PSG9: variants seen among roughly 807,000 people sequenced by gnomAD.
The protein encoded by PSG9 is pregnancy-specific beta-1-glycoprotein 9.
In PSG9, 49 loss-of-function variants were observed where a neutral mutation model predicts 41.9. That is an observed-to-expected ratio of 1.17 (90% CI 0.93 to 1.48). The LOEUF is 1.48. Among genes scored for constraint, PSG9 ranks in the 40% most tolerant of loss-of-function variants. The pLI is 0.00. For synonymous variants in PSG9, 263 were observed against 196.8 expected, an observed-to-expected ratio of 1.34 and a Z score of -2.82; for missense variants, 641 against 520.3, an observed-to-expected ratio of 1.23 and a Z score of -2.26.
At chr19:43,264,691 T>C (rs997273672) in intron 2 of PSG9, among the ~76,000 whole-genome samples, 7 of 152,194 alleles carry the variant, frequency 4.6e-5, no homozygotes, top group Non-Finnish European at 7.4e-5. Flanking sequence ...TCTCCTGACC[T>C]TGTGCCCGCC....
At position 43,258,596 on chromosome 19, in the gene PSG9, T is replaced by C. The variant is rs1441865633; in HGVS notation, c.989-140A>G. On this transcript the variant is annotated intron_variant, in intron 4 of 5. Coordinates refer to ENST00000270077, the MANE Select transcript of PSG9 (RefSeq NM_002784.5). ...CAAAGTCCCTCTATGTTCACTGAGC[T>C]GAAGCCTGAGGTATTCACCTGTTTC... 31 of 1,419,608 alleles carry C rather than the reference T, an allele frequency of 2.2e-5. 2 individuals are homozygous for C. In the Middle Eastern group the frequency reaches 7.5e-4, roughly 35 times the overall value. The allele number at this position is 1,419,608 out of a possible 1,614,324, so 87.9% of individuals were successfully genotyped here.
chr19:43,265,945 G>A (rs1024121893), intron 2 of PSG9, among the ~76,000 whole-genome samples: 2 of 152,118 alleles, frequency 1.3e-5, no homozygotes, highest in Non-Finnish European at 2.9e-5. Flanking sequence ...TTTCCTGGGA[G>A]GTGGGCCAGG....
chr19:43,264,307 A>T (rs1968863811), intron 2 of PSG9, among the ~76,000 whole-genome samples: 1 of 152,122 alleles, frequency 6.6e-6, no homozygotes, highest in Non-Finnish European at 1.5e-5. Flanking sequence ...TATGAAGTTG[A>T]ATATGTTGTT....
intron 5 of PSG9, chr19:43,257,424 G>T (rs1003679313): frequency 3.1e-6 from 3 of 976,972 alleles, no homozygotes; most frequent in African/African-American, 3.7e-5. Flanking sequence ...TAACCCCAAC[G>T]GTGAATCTCC....
chr19:43,254,470 A>G lies in PSG9; in HGVS notation c.1244-824T>C, dbSNP rs192618802. 1.4e-3 allele frequency among the ~76,000 whole-genome samples: 200 copies of G among 146,666 alleles called. 10 individuals carry two copies. Among genetic ancestry groups the G allele is most frequent in the Non-Finnish European group, 4.3e-4 (29 of 67,388 alleles). ...AGTACTCTCATTGCAATTTTCAGGT[A>G]AGGAATCAGAGGTTCAGAGAAGTTG... On this transcript the variant is annotated intron_variant, in intron 5 of 5. Transcript: ENST00000270077.
At chr19:43,256,175 C>A (rs964238804) in intron 5 of PSG9, among the ~76,000 whole-genome samples, 4 of 146,228 alleles carry the variant, frequency 2.7e-5, no homozygotes, top group Admixed American at 6.8e-5. Flanking sequence ...AAGATTGGAA[C>A]CTTTACCTAA....
intron 1 of PSG9, 41 bp downstream of exon 1, chr19:43,269,327 G>T (rs371905704): frequency 3.1e-6 from 5 of 1,612,502 alleles, no homozygotes; most frequent in East Asian, 2.2e-5. Flanking sequence ...CAGTCACTCC[G>T]CTTCCTCCCC....
At position 43,268,296 on chromosome 19, in the gene PSG9, G is replaced by A. The variant is rs780266187; in HGVS notation, c.65-147C>T. 458 of 1,296,878 alleles carry A rather than the reference G, an allele frequency of 3.5e-4. 2 individuals carry two copies. The highest frequency in any genetic ancestry group is 4.4e-4 in the Non-Finnish European group (418 of 943,320). 80.3% of individuals were successfully genotyped at this position (1,296,878 alleles called of 1,614,324 possible). On this transcript the variant is annotated intron_variant, in intron 1 of 5. Coordinates refer to ENST00000270077, the MANE Select transcript of PSG9 (RefSeq NM_002784.5). ...TACAAACAAACACACACAAAAAACG[G>A]GCATGTGTGTTTGTGTATGTGTATG...
At chr19:43,264,467 T>C (rs1371751743) in intron 2 of PSG9, among the ~76,000 whole-genome samples, 1 of 151,884 alleles carries the variant, frequency 6.6e-6, no homozygotes, top group Admixed American at 6.6e-5. Flanking sequence ...GACAGCATTT[T>C]TTTTTTCTGA....
intron 1 of PSG9, among the ~76,000 whole-genome samples, chr19:43,269,078 A>C (rs113776271): frequency 0.072 from 10,946 of 151,636 alleles, 904 homozygotes; most frequent in African/African-American, 0.2. Flanking sequence ...TATCTCGGCT[A>C]GCTGCAACTT....
chr19:43,255,925 C>T (rs1473031266), intron 5 of PSG9, among the ~76,000 whole-genome samples: 1 of 146,390 alleles, frequency 6.8e-6, no homozygotes, highest in African/African-American at 2.6e-5. Flanking sequence ...GAGAACAGTG[C>T]TACCCAAAGT....
chr19:43,260,626 C>T lies in PSG9; in HGVS notation c.709+1234G>A, dbSNP rs1038950259. The T allele has an allele frequency of 1.4e-5, 2 of 146,224 alleles. 1 individual carries two copies. The highest frequency in any genetic ancestry group is 5.2e-5 in the African/African-American group (2 of 38,392). 9.1% of individuals were successfully genotyped at this position (146,224 alleles called of 1,614,324 possible). On this transcript the variant is annotated intron_variant, in intron 3 of 5. Coordinates refer to ENST00000270077, the MANE Select transcript of PSG9 (RefSeq NM_002784.5). ...GGCTGATTGCTATTTTCTTTGTCAT[C>T]AGAACTTTCCACCTTTTCTGGTTGC...
rs1320779814 is a variant in PSG9 at position 43,266,056 on chromosome 19, T to C, written c.430+1728A>G. On this transcript the variant is annotated intron_variant, in intron 2 of 5. Transcript: ENST00000270077. Reference sequence around the variant, plus strand: ...GGAAGAAGCTGTGCAGGACAGGGCTTGCCAGTCAGAATGAAGTGGGAGGAA... The same window carrying C: ...GGAAGAAGCTGTGCAGGACAGGGCTCGCCAGTCAGAATGAAGTGGGAGGAA... Among the ~76,000 whole-genome samples, 3 of 151,566 alleles carry C rather than the reference T, an allele frequency of 2.0e-5. No homozygotes were observed. The East Asian group carries it at 5.9e-4, about 30-fold the overall frequency.
chr19:43,255,582 T>C (rs1435474201), intron 5 of PSG9, among the ~76,000 whole-genome samples: 1 of 146,814 alleles, frequency 6.8e-6, no homozygotes, highest in South Asian at 2.1e-4. Flanking sequence ...TGTTTATAGA[T>C]AACTTGAACT....
At chr19:43,264,171 CA>C (rs1968857274) in intron 2 of PSG9, among the ~76,000 whole-genome samples, 1 of 152,016 alleles carries the variant, frequency 6.6e-6, no homozygotes, top group African/African-American at 2.4e-5. Flanking sequence ...AGATATCACC[CA>C]CCTGGCCACC....
chr19:43,265,478 C>A (rs1340005495), intron 2 of PSG9, among the ~76,000 whole-genome samples: 1 of 152,078 alleles, frequency 6.6e-6, no homozygotes, highest in Non-Finnish European at 1.5e-5. Flanking sequence ...TACCTGGAGG[C>A]AGATTCAAGC....
chr19:43,261,967 G>T lies in PSG9; in HGVS notation c.602C>A (p.Thr201Asn). The change falls in exon 3 of 6, where the codon ACC (threonine) becomes AAC (asparagine). Residue 201 changes from threonine (T) to asparagine (N), a missense_variant. Coordinates refer to ENST00000270077, the MANE Select transcript of PSG9 (RefSeq NM_002784.5). ...CTTTGTGACACCAAATAGATAGAGG[G>T]TCCTGTTGGTTTTGGACAGCTGCAA... ...HRLQLSKTNR[T>N]LYLFGVTKYI... 1 of 1,614,036 alleles carries T rather than the reference G, an allele frequency of 6.2e-7. No individual in the cohort carries two copies. Among genetic ancestry groups the T allele is most frequent in the South Asian group, 1.1e-5 (1 of 91,066 alleles).
intron 3 of PSG9, 110 bp downstream of exon 3, chr19:43,261,750 T>C (rs1296112573): frequency 9.9e-6 from 16 of 1,611,476 alleles, no homozygotes; most frequent in Middle Eastern, 1.7e-4. Context: ...CTTTGATGTC[T>C]AGGGGTAAAG....
intron 5 of PSG9, among the ~76,000 whole-genome samples, chr19:43,255,662 C>T (rs1332551250): frequency 6.8e-5 from 10 of 146,356 alleles, no homozygotes; most frequent in Admixed American, 5.4e-4. Flanking sequence ...TAATGTTGCA[C>T]AATACAAAAT....
Sources: allele counts gnomAD v4.1 joint callset (sites outside exome capture counted in the v4.1 genomes callset), GRCh38; gene constraint gnomAD v4.1.1; transcripts MANE v1.5; gene names NCBI Gene and HGNC (gene_info 2026-07-23, HGNC 2026-07-21).